KBTBD12: variants seen among roughly 807,000 people sequenced by gnomAD.
The protein encoded by KBTBD12 is kelch repeat and BTB domain containing 12, also known as kelch repeat and BTB domain-containing protein 12.
A neutral mutation model predicts 58.7 loss-of-function variants in KBTBD12; 53 were observed. That is an observed-to-expected ratio of 0.90 (90% CI 0.72 to 1.14). The LOEUF (loss-of-function observed/expected upper bound fraction) is 1.14. Among genes scored for constraint, KBTBD12 ranks in the 50% most tolerant of loss-of-function variants. KBTBD12 has a pLI of 0.00. For missense variants in KBTBD12, 704 were observed against 751.3 expected (o/e 0.94, Z 0.74); for synonymous variants, 236 against 259.8 (o/e 0.91, Z 0.88).
intron 5 of KBTBD12, among the ~76,000 whole-genome samples, chr3:127,974,356 C>T (rs952935085): frequency 6.6e-6 from 1 of 152,138 alleles, no homozygotes; most frequent in African/African-American, 2.4e-5. Flanking sequence ...TGTGTTCTTC[C>T]CAGGGGCCTC....
At chr3:127,938,064 CA>C (rs967562086) in intron 4 of KBTBD12, among the ~76,000 whole-genome samples, 4 of 151,740 alleles carry the variant, frequency 2.6e-5, no homozygotes, top group Non-Finnish European at 4.4e-5. Flanking sequence ...TGTCTTTAAG[CA>C]AAAAATGTGA....
intron 4 of KBTBD12, among the ~76,000 whole-genome samples, chr3:127,941,591 T>A (rs992813260): frequency 3.9e-5 from 6 of 152,176 alleles, no homozygotes; most frequent in Non-Finnish European, 7.3e-5. Flanking sequence ...AATTTTTTAT[T>A]ATTTTTATTT....
At chr3:127,959,241 G>C (rs914926792) in intron 4 of KBTBD12, among the ~76,000 whole-genome samples, 1 of 152,216 alleles carries the variant, frequency 6.6e-6, no homozygotes, top group Non-Finnish European at 1.5e-5. Context: ...ATATGGGCCA[G>C]TTTAACTCCT....
chr3:127,942,687 T>C (rs1243607591), intron 4 of KBTBD12, among the ~76,000 whole-genome samples: 1 of 146,852 alleles, frequency 6.8e-6, no homozygotes, highest in Admixed American at 6.8e-5. Context: ...CAACTATATA[T>C]AACTATATAT....
At chr3:127,929,551 ATAAG>A (rs1392809155) in intron 3 of KBTBD12, among the ~76,000 whole-genome samples, 3 of 152,310 alleles carry the variant, frequency 2.0e-5, no homozygotes, top group Admixed American at 2.0e-4. Context: ...AATATATAAA[ATAAG>A]TATGTTAAAA....
chr3:127,949,449 C>T (rs918747277), intron 4 of KBTBD12, among the ~76,000 whole-genome samples: 2 of 152,092 alleles, frequency 1.3e-5, no homozygotes, highest in African/African-American at 4.8e-5. Context: ...AGGATTTCAA[C>T]AGTAAAGTAA....
intron 4 of KBTBD12, among the ~76,000 whole-genome samples, chr3:127,948,433 C>T (rs1940135034): frequency 1.3e-5 from 2 of 152,228 alleles, no homozygotes; most frequent in Non-Finnish European, 1.5e-5. Context: ...TTCAGAATTA[C>T]AGTGTTTCCT....
intron 5 of KBTBD12, among the ~76,000 whole-genome samples, chr3:127,970,110 T>C (rs989061104): frequency 1.3e-5 from 2 of 152,114 alleles, no homozygotes; most frequent in African/African-American, 4.8e-5. Context: ...AATAAAAAGA[T>C]AACATATTTT....
chr3:127,936,697 C>A (rs911687663), intron 4 of KBTBD12, among the ~76,000 whole-genome samples: 1 of 152,038 alleles, frequency 6.6e-6, no homozygotes, highest in Admixed American at 6.6e-5. Flanking sequence ...TGCAGCTTAC[C>A]AAAATTACTC....
At position 127,927,838 on chromosome 3, in the gene KBTBD12, G is replaced by C. The variant is rs1475368759; in HGVS notation, c.1145G>C (p.Ser382Thr). The C allele has an allele frequency of 3.1e-6, 5 of 1,611,168 alleles. No homozygotes were observed. Among genetic ancestry groups the C allele is most frequent in the Admixed American group, 3.3e-5 (2 of 59,730 alleles). Residue 382 changes from serine to threonine, a missense_variant, in exon 3 of 6, where the codon AGT becomes ACT. Ser to Thr is a moderately conservative substitution (Grantham distance 58). Coordinates refer to ENST00000405109, the MANE Select transcript of KBTBD12 (RefSeq NM_207335.4). ...TTTCGAGAACTCTATGCTCTGGGCA[G>C]TATTCATAATGACCTTTATGTTATA... ...AEFRELYALG[S>T]IHNDLYVIGG...
chr3:127,952,250 C>T (rs1303401548), intron 4 of KBTBD12, among the ~76,000 whole-genome samples: 2 of 152,146 alleles, frequency 1.3e-5, no homozygotes, highest in Non-Finnish European at 2.9e-5. Context: ...GGTTCAAACA[C>T]GGATCTGTCC....
At position 127,918,567 on chromosome 3, in the gene KBTBD12, C is replaced by A. The variant is rs138943556; in HGVS notation, c.-113+2981C>A. Among the ~76,000 whole-genome samples, 1,409 of 152,154 alleles carry A rather than the reference C, an allele frequency of 9.3e-3. 20 individuals carry two copies. The highest frequency in any genetic ancestry group is 0.032 in the African/African-American group (1,309 of 41,512). On this transcript the variant is annotated intron_variant, in intron 1 of 5. Coordinates refer to ENST00000405109, the MANE Select transcript of KBTBD12 (RefSeq NM_207335.4). ...CTCTACTACAAATACAAAAAATTAG[C>A]TGGGGGTGGTGGCGGGCGCCTGTAG...
At chr3:127,973,114 A>G (rs2107615088) in intron 5 of KBTBD12, among the ~76,000 whole-genome samples, 1 of 152,338 alleles carries the variant, frequency 6.6e-6, no homozygotes, top group East Asian at 1.9e-4. Flanking sequence ...ATTTTATAGT[A>G]TTTGCTTCCT....
At chr3:127,950,583 T>C (rs1940181710) in intron 4 of KBTBD12, among the ~76,000 whole-genome samples, 1 of 152,150 alleles carries the variant, frequency 6.6e-6, no homozygotes, top group South Asian at 2.1e-4. Flanking sequence ...ATACATCAAA[T>C]ATTACGCTGG....
Position 127,923,047 on chromosome 3 carries a change from T to C in KBTBD12, c.-15T>C. On this transcript the variant is annotated 5_prime_UTR_variant, in exon 2 of 6. Transcript: ENST00000405109. ...ACTTAAAGAAGACTTAGTTGGAAAC[T>C]TTGGAGAGTAGATCATGGAGTGCAA... 7.9e-6 allele frequency: 12 copies of C among 1,512,496 alleles called. No individual in the cohort carries two copies. Among genetic ancestry groups the C allele is most frequent in the Non-Finnish European group, 9.1e-6 (10 of 1,095,332 alleles). The allele number at this position is 1,512,496 out of a possible 1,614,324, so 93.7% of individuals were successfully genotyped here. A position where few individuals can be genotyped will look rare whatever the true frequency, so the allele number is the denominator to read the frequency against.
intron 5 of KBTBD12, among the ~76,000 whole-genome samples, chr3:127,980,888 A>AT (rs759168824): frequency 2.6e-5 from 4 of 152,180 alleles, no homozygotes; most frequent in Non-Finnish European, 4.4e-5. Flanking sequence ...TCTATTTTAG[A>AT]TTTTTTGTTG....
At chr3:127,968,037 C>G (rs1372474507) in intron 5 of KBTBD12, among the ~76,000 whole-genome samples, 1 of 152,142 alleles carries the variant, frequency 6.6e-6, no homozygotes, top group Non-Finnish European at 1.5e-5. Context: ...GTAATGCAAC[C>G]CATTGATTGT....
intron 4 of KBTBD12, among the ~76,000 whole-genome samples, chr3:127,953,596 A>C (rs1236477816): frequency 1.3e-5 from 2 of 152,230 alleles, no homozygotes; most frequent in Admixed American, 6.5e-5. Context: ...GTTAAAACCT[A>C]TGCTGAATTT....
chr3:127,941,047 T>C (rs1939939555), intron 4 of KBTBD12, among the ~76,000 whole-genome samples: 4 of 152,236 alleles, frequency 2.6e-5, no homozygotes, highest in Non-Finnish European at 5.9e-5. Flanking sequence ...ATTGAATTCT[T>C]AGTTTAAAAC....
Sources: allele counts gnomAD v4.1 joint callset (sites outside exome capture counted in the v4.1 genomes callset), GRCh38; gene constraint gnomAD v4.1.1; transcripts MANE v1.5; gene names NCBI Gene and HGNC (gene_info 2026-07-23, HGNC 2026-07-21).